The following MARCHF1 variants were observed in gnomAD, a reference collection of about 807,000 sequenced individuals.
MARCHF1 encodes E3 ubiquitin-protein ligase MARCHF1.
MARCHF1 carries 40 observed loss-of-function variants against 54.2 expected under a neutral mutation model. That is an observed-to-expected ratio of 0.74 (90% CI 0.57 to 0.96). MARCHF1 has a LOEUF of 0.96. MARCHF1 is among the 40% of genes least tolerant of loss of function. MARCHF1 has a pLI of 0.00. For missense variants in MARCHF1, 586 were observed against 656.5 expected (o/e 0.89, Z 1.17); for synonymous variants, 236 against 236.3 (o/e 1.00, Z 0.01).
At chr4:164,375,556 C>T (rs917070402) in intron 1 of MARCHF1, among the ~76,000 whole-genome samples, 1 of 152,150 alleles carries the variant, frequency 6.6e-6, no homozygotes, top group Non-Finnish European at 1.5e-5. Context: ...GTTCATAACT[C>T]TTAATATTTG....
intron 1 of MARCHF1, among the ~76,000 whole-genome samples, chr4:164,137,496 T>A (rs1289501076): frequency 6.6e-6 from 1 of 152,176 alleles, no homozygotes; most frequent in Non-Finnish European, 1.5e-5. Flanking sequence ...AATTCAGCTA[T>A]CAACCTGTTT....
intron 2 of MARCHF1, among the ~76,000 whole-genome samples, chr4:164,069,366 G>T (rs1027096424): frequency 6.6e-6 from 1 of 152,150 alleles, no homozygotes; most frequent in Non-Finnish European, 1.5e-5. Flanking sequence ...TCCACACTGC[G>T]GAAGCTTTGT....
chr4:163,940,744 G>T (rs1438043135), intron 3 of MARCHF1, among the ~76,000 whole-genome samples: 1 of 151,976 alleles, frequency 6.6e-6, no homozygotes, highest in African/African-American at 2.4e-5. Flanking sequence ...AATAAATCAA[G>T]AATTAAAAAG....
intron 1 of MARCHF1, among the ~76,000 whole-genome samples, chr4:164,287,030 G>T (rs377090775): frequency 3.3e-5 from 5 of 149,334 alleles, no homozygotes; most frequent in East Asian, 1.9e-4. Context: ...ACTTCAGGAG[G>T]TGCAAAGGAT....
intron 5 of MARCHF1, among the ~76,000 whole-genome samples, chr4:163,634,605 G>A (rs999068492): frequency 1.1e-4 from 16 of 152,018 alleles, no homozygotes; most frequent in East Asian, 1.9e-4. Flanking sequence ...AGCAAGTCCT[G>A]AGTGACCTAC....
rs964596594 is a variant in MARCHF1, at chr4:164,118,371, T to C, written c.-322-6709A>G. Among the ~76,000 whole-genome samples the C allele has an allele frequency of 1.5e-4, 23 of 151,132 alleles. 2 individuals are homozygous for C. The highest frequency in any genetic ancestry group is 4.6e-4 in the African/African-American group (19 of 41,330). On this transcript the variant is annotated intron_variant, in intron 1 of 9. Coordinates refer to ENST00000514618, the MANE Select transcript of MARCHF1 (RefSeq NM_001394959.1). ...TTAAAACTGACCACAGATTTCCTAA[T>C]AGAAACATACAAAGTTAAAAGAAAG... is the stretch of plus-strand genomic sequence containing the variant.
At chr4:163,971,038 C>T (rs956190494) in intron 3 of MARCHF1, among the ~76,000 whole-genome samples, 7 of 152,158 alleles carry the variant, frequency 4.6e-5, no homozygotes, top group Non-Finnish European at 1.0e-4. Flanking sequence ...AAGATTTCCT[C>T]ATTCTATGAA....
At chr4:163,728,155 A>G (rs1357918951) in intron 4 of MARCHF1, among the ~76,000 whole-genome samples, 1 of 152,064 alleles carries the variant, frequency 6.6e-6, no homozygotes, top group Non-Finnish European at 1.5e-5. Flanking sequence ...AGTTTTTTGT[A>G]TTTTTTGTGG....
In MARCHF1 at chr4:164,020,386, A is replaced by G. The variant is rs17044409; in HGVS notation, c.-247-31677T>C. ...TTCTGGATAAAATATGAGATGAAGC[A>G]TCTATGTGTGGCAGAAATATATCCA... On this transcript the variant is annotated intron_variant, in intron 2 of 9. Coordinates refer to ENST00000514618, the MANE Select transcript of MARCHF1 (RefSeq NM_001394959.1). Among the ~76,000 whole-genome samples, 1,491 of 152,334 alleles carry G rather than the reference A, an allele frequency of 9.8e-3. 18 individuals carry two copies. Among genetic ancestry groups the G allele is most frequent in the African/African-American group, 0.033 (1,367 of 41,580 alleles).
intron 3 of MARCHF1, among the ~76,000 whole-genome samples, chr4:163,960,665 G>A (rs1387772227): frequency 1.2e-4 from 18 of 151,892 alleles, no homozygotes; most frequent in Admixed American, 1.2e-3. Flanking sequence ...AGTGTGGAGG[G>A]TGGGAGGAGG....
At chr4:164,253,097 A>T (rs1369737308) in intron 1 of MARCHF1, among the ~76,000 whole-genome samples, 1 of 152,168 alleles carries the variant, frequency 6.6e-6, no homozygotes, top group Non-Finnish European at 1.5e-5. Context: ...AATAATAGAC[A>T]TGAAGAAACA....
intron 9 of MARCHF1, among the ~76,000 whole-genome samples, chr4:163,531,136 A>G (rs2110862404): frequency 6.6e-6 from 1 of 151,988 alleles, no homozygotes; most frequent in African/African-American, 2.4e-5. Flanking sequence ...TAATCGGGTG[A>G]GACTAGCATT....
intron 2 of MARCHF1, among the ~76,000 whole-genome samples, chr4:164,051,482 A>G (rs1318449438): frequency 6.6e-6 from 1 of 152,140 alleles, no homozygotes; most frequent in Non-Finnish European, 1.5e-5. Context: ...TGGTGGGAGA[A>G]TCCTATATAC....
chr4:163,663,246 G>A (rs1217931183), intron 5 of MARCHF1, among the ~76,000 whole-genome samples: 1 of 144,752 alleles, frequency 6.9e-6, no homozygotes, highest in Non-Finnish European at 1.5e-5. Context: ...TTAGATTTAG[G>A]GCTGTTTAAG....
At position 164,052,854 on chromosome 4, in the gene MARCHF1, C is replaced by T. The variant is rs147180900; in HGVS notation, c.-248+58734G>A. Among the ~76,000 whole-genome samples, 574 of 152,104 alleles carry T rather than the reference C, an allele frequency of 3.8e-3. 2 individuals carry two copies. The highest frequency in any genetic ancestry group is 0.013 in the African/African-American group (546 of 41,510). On this transcript the variant is annotated intron_variant, in intron 2 of 9. Coordinates refer to ENST00000514618, the MANE Select transcript of MARCHF1 (RefSeq NM_001394959.1). ...AAAAAGTAATTAGGAGACTTAGAAT[C>T]GAGGTATTTATACCTCGATTATCTT...
intron 5 of MARCHF1, among the ~76,000 whole-genome samples, chr4:163,669,335 T>C (rs1323376750): frequency 6.6e-6 from 1 of 152,174 alleles, no homozygotes; most frequent in African/African-American, 2.4e-5. Context: ...GTAGTACCAC[T>C]ATTAATTTGG....
chr4:163,887,904 T>C (rs1292468856), intron 3 of MARCHF1, among the ~76,000 whole-genome samples: 2 of 152,192 alleles, frequency 1.3e-5, no homozygotes, highest in South Asian at 2.1e-4. Flanking sequence ...AACTCAAGTA[T>C]CTATCCCTTC....
At chr4:164,247,547 T>C (rs1579657940) in intron 1 of MARCHF1, among the ~76,000 whole-genome samples, 1 of 148,958 alleles carries the variant, frequency 6.7e-6, no homozygotes, top group East Asian at 2.0e-4. Flanking sequence ...GCATGGCACA[T>C]GTATACATAT....
intron 1 of MARCHF1, chr4:164,197,212 T>A (rs1443638973): frequency 6.2e-7 from 1 of 1,610,142 alleles, no homozygotes; most frequent in Non-Finnish European, 8.5e-7. Context: ...CTCACCCTCC[T>A]CCTCGTCATC....
Sources: allele counts gnomAD v4.1 joint callset (sites outside exome capture counted in the v4.1 genomes callset), GRCh38; gene constraint gnomAD v4.1.1; transcripts MANE v1.5; gene names NCBI Gene and HGNC (gene_info 2026-07-23, HGNC 2026-07-21).